The following SLC33A1 variants were observed in gnomAD, a reference collection of about 807,000 sequenced individuals.
SLC33A1 encodes the protein solute carrier family 33 member 1, also known as acetyl-coenzyme A transporter 1.
Under a neutral mutation model 50.0 loss-of-function variants are expected in SLC33A1, and 20 were observed. That is an observed-to-expected ratio of 0.40 (90% CI 0.28 to 0.58). The LOEUF (loss-of-function observed/expected upper bound fraction) is 0.58. Among genes scored for constraint, SLC33A1 ranks in the 20% least tolerant of loss-of-function variants. SLC33A1 has a pLI of 0.44. For synonymous variants in SLC33A1, 265 were observed against 251.8 expected (o/e 1.05, Z -0.50); for missense variants, 476 against 657.0 (o/e 0.72, Z 3.01).
chr3:155,853,265 A>G lies in SLC33A1; in HGVS notation c.733T>C (p.Leu245=). The change falls in exon 1 of 6, where the codon TTG becomes CTG. Residue 245 remains leucine, a synonymous_variant. Coordinates refer to ENST00000643144, the MANE Select transcript of SLC33A1 (RefSeq NM_004733.4). ...LESADFCNKY[L]RFQPQPRGIV... ...CCTCTGGGTTGAGGCTGAAACCGCA[A>G]ATATTTGTTACAAAAGTCGGCAGAT... 6.2e-7 allele frequency: 1 copy of G among 1,614,078 alleles called. No homozygotes were observed. Among genetic ancestry groups the G allele is most frequent in the South Asian group, 1.1e-5 (1 of 91,086 alleles).
Position 155,825,616 on chromosome 3 carries a change from T to C in SLC33A1, c.*2594A>G, listed in dbSNP as rs1752180323. The C allele has an allele frequency of 6.6e-6, 1 of 152,214 alleles. No individual in the cohort carries two copies. 9.4% of individuals were successfully genotyped at this position (152,214 alleles called of 1,614,324 possible). On this transcript the variant is annotated 3_prime_UTR_variant, in exon 6 of 6. Coordinates refer to ENST00000643144, the MANE Select transcript of SLC33A1 (RefSeq NM_004733.4). ...AGGAATCTGTGGTGTTACTTTTAGG[T>C]AATCTCAGAAGAACTTTTCAAACTC...
rs1306353192 is a variant in SLC33A1 at position 155,823,344 on chromosome 3, A to G, written c.*4866T>C. 6.6e-6 allele frequency: 1 copy of G among 152,216 alleles called. No individual in the cohort carries two copies. The highest frequency in any genetic ancestry group is 6.5e-5 in the Admixed American group (1 of 15,276). The allele number at this position is 152,216 out of a possible 1,614,324, so 9.4% of individuals were successfully genotyped here. On this transcript the variant is annotated 3_prime_UTR_variant, in exon 6 of 6. Coordinates refer to ENST00000643144, the MANE Select transcript of SLC33A1 (RefSeq NM_004733.4). Reference sequence around the variant, plus strand: ...AAACCAAATGGTGATTACATAAAAAATTTGGCATTGTCAAATCAGGCAGAT... The same window carrying G: ...AAACCAAATGGTGATTACATAAAAAGTTTGGCATTGTCAAATCAGGCAGAT...
chr3:155,852,444 T>C (rs1331059981), intron 1 of SLC33A1, among the ~76,000 whole-genome samples: 2 of 152,252 alleles, frequency 1.3e-5, no homozygotes, highest in East Asian at 1.9e-4. Context: ...CCCATAGTAA[T>C]TAAAGAAAAT....
chr3:155,853,823 C>G lies in SLC33A1; in HGVS notation c.175G>C (p.Gly59Arg). Reference sequence around the variant, plus strand: ...CTCTGTGGGGCTTTTAAGAAGTCGCCAGTGCCGGTATCCCCCAGAAGAGCT... The same window carrying G: ...CTCTGTGGGGCTTTTAAGAAGTCGCGAGTGCCGGTATCCCCCAGAAGAGCT... ...REALLGDTGT[G>R]DFLKAPQSFR... The change falls in exon 1 of 6, where the codon GGC becomes CGC. Residue 59 changes from glycine (G) to arginine (R), a missense_variant. Physicochemically the swap from Gly to Arg is moderately radical, Grantham distance 125. Coordinates refer to ENST00000643144, the MANE Select transcript of SLC33A1 (RefSeq NM_004733.4). The G allele has an allele frequency of 6.2e-7, 1 of 1,610,176 alleles. No individual in the cohort carries two copies. Among genetic ancestry groups the G allele is most frequent in the Non-Finnish European group, 8.5e-7 (1 of 1,177,588 alleles).
At chr3:155,832,165 G>A (rs1365160481) in intron 4 of SLC33A1, among the ~76,000 whole-genome samples, 1 of 152,036 alleles carries the variant, frequency 6.6e-6, no homozygotes, top group East Asian at 1.9e-4. Flanking sequence ...ATCACCTGAG[G>A]TTGGGAGTTC....
intron 1 of SLC33A1, among the ~76,000 whole-genome samples, chr3:155,849,235 AAAAAG>A (rs1470147435): frequency 6.6e-6 from 1 of 152,088 alleles, no homozygotes; most frequent in African/African-American, 2.4e-5. Flanking sequence ...TTAGAATTAA[AAAAAG>A]AAAACAATTA....
In SLC33A1 at chr3:155,853,857, C is replaced by T. The variant is rs1191737736; in HGVS notation, c.141G>A (p.Gly47=). The part of the protein sequence containing the change: ...DSHLDSAGRE[G]DREALLGDTG... ...TATCCCCCAGAAGAGCTTCTCTGTC[C>T]CCTTCCCGGCCCGCTGAGTCCAAAT... Residue 47 remains glycine, a synonymous_variant, in exon 1 of 6, where the codon GGG becomes GGA. Transcript: ENST00000643144. 3 of 1,584,540 alleles carry T rather than the reference C, an allele frequency of 1.9e-6. No homozygotes were observed. The highest frequency in any genetic ancestry group is 2.7e-5 in the African/African-American group (2 of 73,730).
intron 2 of SLC33A1, among the ~76,000 whole-genome samples, chr3:155,836,013 G>T (rs919969340): frequency 6.6e-6 from 1 of 151,306 alleles, no homozygotes; most frequent in African/African-American, 2.4e-5. Context: ...GGCCAGACGC[G>T]GTGGCTCATG....
intron 1 of SLC33A1, among the ~76,000 whole-genome samples, chr3:155,852,554 GCA>G (rs1753441211): frequency 6.6e-6 from 1 of 152,168 alleles, no homozygotes; most frequent in Non-Finnish European, 1.5e-5. Flanking sequence ...CTGCCTCAGT[GCA>G]CTTTTACTTT....
chr3:155,849,587 GA>G (rs72107048), intron 1 of SLC33A1, among the ~76,000 whole-genome samples: 26,008 of 141,024 alleles, frequency 0.18, 5,917 homozygotes, highest in African/African-American at 0.53. Flanking sequence ...AATTCCACAG[GA>G]AAAAAAAAAA....
intron 1 of SLC33A1, among the ~76,000 whole-genome samples, chr3:155,845,337 C>CT (rs1419686939): frequency 2.0e-5 from 3 of 151,822 alleles, no homozygotes; most frequent in Admixed American, 6.6e-5. Context: ...TTCTTTTTTT[C>CT]TTTTTTTGAG....
intron 4 of SLC33A1, among the ~76,000 whole-genome samples, chr3:155,830,165 C>T (rs1752359394): frequency 6.7e-6 from 1 of 150,224 alleles, no homozygotes; most frequent in Non-Finnish European, 1.5e-5. Context: ...AGATCGAGAC[C>T]ATCCTGGCTA....
chr3:155,831,121 T>C (rs1752410885), intron 4 of SLC33A1, among the ~76,000 whole-genome samples: 1 of 152,152 alleles, frequency 6.6e-6, no homozygotes, highest in African/African-American at 2.4e-5. Context: ...TATATTTCAG[T>C]ACTCAGAATG....
intron 2 of SLC33A1, among the ~76,000 whole-genome samples, chr3:155,836,490 T>C (rs1469556332): frequency 6.6e-6 from 1 of 151,998 alleles, no homozygotes; most frequent in Non-Finnish European, 1.5e-5. Context: ...AAATAAGACA[T>C]ACAAACTGAC....
At chr3:155,851,007 G>A (rs1052826916) in intron 1 of SLC33A1, among the ~76,000 whole-genome samples, 5 of 151,708 alleles carry the variant, frequency 3.3e-5, no homozygotes, top group African/African-American at 1.2e-4. Context: ...ACTTTGGGAG[G>A]CCGAGGTGGG....
chr3:155,844,814 G>A (rs1402287488), intron 1 of SLC33A1: 1 of 151,956 alleles, frequency 6.6e-6, no homozygotes, highest in African/African-American at 2.4e-5. Flanking sequence ...AATCTGGTTC[G>A]AAAGGAATGA....
chr3:155,842,552 T>C lies in SLC33A1; in HGVS notation c.843A>G (p.Glu281=). The part of the protein sequence containing the change: ...TTTLVALLKK[E]NEVSVVKEET... ...CTTCTTTTACTACTGATACTTCGTT[T>C]TCTTTTTTCAGAAGGGCAACCAATG... Residue 281 remains glutamate, a synonymous_variant, in exon 2 of 6, where the codon GAA becomes GAG. Coordinates refer to ENST00000643144, the MANE Select transcript of SLC33A1 (RefSeq NM_004733.4). 6.2e-7 allele frequency: 1 copy of C among 1,605,408 alleles called. No homozygotes were observed. The highest frequency in any genetic ancestry group is 8.5e-7 in the Non-Finnish European group (1 of 1,175,116).
intron 5 of SLC33A1, 105 bp from the exon 6 acceptor site, chr3:155,828,482 A>C (rs1577454453): frequency 1.4e-6 from 1 of 727,212 alleles, no homozygotes. Context: ...TTTTTCTTAA[A>C]ACATTTCAGT....
At position 155,821,595 on chromosome 3, in the gene SLC33A1, T is replaced by C. The variant is rs1399250573; in HGVS notation, c.*6615A>G. 1 of 151,218 alleles carries C rather than the reference T, an allele frequency of 6.6e-6. No homozygotes were observed. Among genetic ancestry groups the C allele is most frequent in the Non-Finnish European group, 1.5e-5 (1 of 68,094 alleles). 9.4% of individuals were successfully genotyped at this position (151,218 alleles called of 1,614,324 possible). On this transcript the variant is annotated 3_prime_UTR_variant, in exon 6 of 6. Coordinates refer to ENST00000643144, the MANE Select transcript of SLC33A1 (RefSeq NM_004733.4). ...GATTCTCCTGCCTCAGCCTCCCGAG[T>C]AGATGGGATTACAGACCTGGGCCAC...
Sources: allele counts gnomAD v4.1 joint callset (sites outside exome capture counted in the v4.1 genomes callset), GRCh38; gene constraint gnomAD v4.1.1; transcripts MANE v1.5; gene names NCBI Gene and HGNC (gene_info 2026-07-23, HGNC 2026-07-21).